KCNH7: variants seen among roughly 807,000 people sequenced by gnomAD.
The protein encoded by KCNH7 is voltage-gated inwardly rectifying potassium channel KCNH7.
A neutral mutation model predicts 120.8 loss-of-function variants in KCNH7; 49 were observed. The observed-to-expected ratio is 0.41, with a 90% CI of 0.32 to 0.51. The LOEUF is 0.51. Ranked by LOEUF, KCNH7 falls within the 20% of genes least tolerant of loss-of-function variation. The pLI, the probability that KCNH7 is intolerant of heterozygous loss-of-function variation, is 0.38. For synonymous variants in KCNH7, 547 were observed against 516.1 expected (o/e 1.06, Z -0.81); for missense variants, 1,097 against 1,446.6 (o/e 0.76, Z 3.92).
intron 2 of KCNH7, among the ~76,000 whole-genome samples, chr2:162,544,498 A>G (rs562636155): frequency 6.6e-6 from 1 of 152,226 alleles, no homozygotes; most frequent in East Asian, 1.9e-4. Flanking sequence ...TGAGCCATGC[A>G]TGTTGTCCCT....
At chr2:162,655,341 A>G (rs1684712376) in intron 2 of KCNH7, among the ~76,000 whole-genome samples, 1 of 152,216 alleles carries the variant, frequency 6.6e-6, no homozygotes, top group Non-Finnish European at 1.5e-5. Context: ...TTTTAAAGAT[A>G]TTGATGAAAT....
chr2:162,714,274 G>A (rs1687032790), intron 2 of KCNH7, among the ~76,000 whole-genome samples: 1 of 152,084 alleles, frequency 6.6e-6, no homozygotes, highest in African/African-American at 2.4e-5. Flanking sequence ...TTTTTCTTTA[G>A]GAAAATTTTG....
At chr2:162,681,596 T>C (rs1468078586) in intron 2 of KCNH7, among the ~76,000 whole-genome samples, 2 of 151,746 alleles carry the variant, frequency 1.3e-5, no homozygotes, top group Non-Finnish European at 2.9e-5. Context: ...ATATTCATAC[T>C]GTTCGTGTTG....
At position 162,701,214 on chromosome 2, in the gene KCNH7, C is replaced by T. The variant is rs371639868; in HGVS notation, c.307+135323G>A. On this transcript the variant is annotated intron_variant, in intron 2 of 15. Coordinates refer to ENST00000332142, the MANE Select transcript of KCNH7 (RefSeq NM_033272.4). ...CAGATATAAATAATTAAGATACTCT[C>T]ATTTCTGTGGTTATTTTTCATTTAT... Among the ~76,000 whole-genome samples, 26 of 152,178 alleles carry T rather than the reference C, an allele frequency of 1.7e-4. No homozygotes were observed. In the South Asian group the frequency reaches 5.2e-3, roughly 30 times the overall value.
chr2:162,568,588 T>A (rs775307058), intron 2 of KCNH7, among the ~76,000 whole-genome samples: 1 of 152,044 alleles, frequency 6.6e-6, no homozygotes, highest in Non-Finnish European at 1.5e-5. Flanking sequence ...ATACACATTT[T>A]TTTCTTTGTT....
chr2:162,687,601 T>G (rs1225970368), intron 2 of KCNH7, among the ~76,000 whole-genome samples: 1 of 152,066 alleles, frequency 6.6e-6, no homozygotes, highest in Non-Finnish European at 1.5e-5. Context: ...ATCAGCTATG[T>G]TGGAAATATT....
At chr2:162,772,279 T>C (rs1320888683) in intron 2 of KCNH7, among the ~76,000 whole-genome samples, 2 of 152,176 alleles carry the variant, frequency 1.3e-5, no homozygotes, top group Non-Finnish European at 2.9e-5. Flanking sequence ...TGTAGACTTT[T>C]TAATTTTTTA....
intron 2 of KCNH7, among the ~76,000 whole-genome samples, chr2:162,737,158 G>A (rs991081175): frequency 2.0e-5 from 3 of 152,122 alleles, no homozygotes; most frequent in African/African-American, 7.2e-5. Context: ...TACAGAAAGG[G>A]TAGTTCCAAG....
At chr2:162,766,103 A>G (rs1682793296) in intron 2 of KCNH7, among the ~76,000 whole-genome samples, 2 of 151,920 alleles carry the variant, frequency 1.3e-5, no homozygotes, top group South Asian at 4.1e-4. Flanking sequence ...CTCCATTTTA[A>G]CTACTAAAAA....
Position 162,379,966 on chromosome 2 carries a change from G to A in KCNH7, c.3018C>T (p.Asp1006=). 1 of 1,614,080 alleles carries A rather than the reference G, an allele frequency of 6.2e-7. No individual in the cohort carries two copies. The highest frequency in any genetic ancestry group is 1.1e-5 in the South Asian group (1 of 91,076). The change falls in exon 14 of 16, where the codon GAC becomes GAT. Residue 1006 remains aspartate (D), a synonymous_variant. Coordinates refer to ENST00000332142, the MANE Select transcript of KCNH7 (RefSeq NM_033272.4). ...CTCGCTGAAGTGCAGATGGACTGGA[G>A]TCTTCAGGCTGGGGATGTGCATTTT... is the stretch of plus-strand genomic sequence containing the variant. ...ERENAHPQPE[D]SSPSALQRAA...
chr2:162,470,664 G>A (rs1573998001), intron 6 of KCNH7, among the ~76,000 whole-genome samples: 2 of 150,770 alleles, frequency 1.3e-5, no homozygotes, highest in East Asian at 4.0e-4. Flanking sequence ...CCGTCCGGGA[G>A]GTGAGGGGCG....
At chr2:162,377,399 G>A (rs370018622) in intron 14 of KCNH7, among the ~76,000 whole-genome samples, 2 of 152,014 alleles carry the variant, frequency 1.3e-5, no homozygotes, top group African/African-American at 2.4e-5. Context: ...ATGGGAATAC[G>A]CAACACAATG....
At chr2:162,386,725 T>C (rs1299390621) in intron 12 of KCNH7, among the ~76,000 whole-genome samples, 2 of 151,868 alleles carry the variant, frequency 1.3e-5, no homozygotes, top group Non-Finnish European at 2.9e-5. Flanking sequence ...ATATTTGCAA[T>C]GAATTTACAT....
At chr2:162,467,409 A>G (rs1418524553) in intron 6 of KCNH7, among the ~76,000 whole-genome samples, 1 of 152,208 alleles carries the variant, frequency 6.6e-6, no homozygotes, top group African/African-American at 2.4e-5. Context: ...ACGGCCTCAC[A>G]GAAATGAGTG....
chr2:162,603,714 C>T (rs1694634820), intron 2 of KCNH7, among the ~76,000 whole-genome samples: 2 of 152,008 alleles, frequency 1.3e-5, no homozygotes, highest in Admixed American at 1.3e-4. Context: ...AGAAAACATC[C>T]TATCTACTTT....
intron 2 of KCNH7, among the ~76,000 whole-genome samples, chr2:162,810,340 C>T (rs1684695263): frequency 6.6e-6 from 1 of 152,046 alleles, no homozygotes; most frequent in South Asian, 2.1e-4. Context: ...AAGTTTATTA[C>T]ACTGGGGATA....
chr2:162,386,812 T>C (rs1490503452), intron 12 of KCNH7, among the ~76,000 whole-genome samples: 1 of 151,702 alleles, frequency 6.6e-6, no homozygotes, highest in Non-Finnish European at 1.5e-5. Flanking sequence ...AATGTTCTGT[T>C]TTACCTACCA....
intron 2 of KCNH7, among the ~76,000 whole-genome samples, chr2:162,647,767 C>G (rs980697084): frequency 6.6e-6 from 1 of 152,068 alleles, no homozygotes; most frequent in African/African-American, 2.4e-5. Context: ...TATAAATCAC[C>G]CAGTCTTGAG....
intron 2 of KCNH7, among the ~76,000 whole-genome samples, chr2:162,650,809 T>C (rs139386403): frequency 1.4e-3 from 213 of 152,184 alleles, no homozygotes; most frequent in African/African-American, 4.7e-3. Flanking sequence ...TAATATCTGA[T>C]ACGTAGGAGG....
Sources: allele counts gnomAD v4.1 joint callset (sites outside exome capture counted in the v4.1 genomes callset), GRCh38; gene constraint gnomAD v4.1.1; transcripts MANE v1.5; gene names NCBI Gene and HGNC (gene_info 2026-07-23, HGNC 2026-07-21).